DDX42: variants seen among roughly 807,000 people sequenced by gnomAD.
The protein encoded by DDX42 is DEAD-box helicase 42.
Under a neutral mutation model 101.5 loss-of-function variants are expected in DDX42, and 22 were observed. The ratio of observed to expected loss-of-function variants is 0.22; its 90% CI spans 0.15 to 0.31. The LOEUF is 0.31. DDX42 is among the 10% of genes least tolerant of loss of function. The probability of loss-of-function intolerance (pLI) is 1.00; values close to 1 mark genes in which losing one functional copy is unlikely to be tolerated. For missense variants in DDX42, 849 were observed against 1,199.9 expected, an observed-to-expected ratio of 0.71 and a Z score of 4.32; for synonymous variants, 402 against 401.2, an observed-to-expected ratio of 1.00 and a Z score of -0.02.
At chr17:63,798,422 CA>C (rs1317578539) in intron 4 of DDX42, among the ~76,000 whole-genome samples, 1 of 152,104 alleles carries the variant, frequency 6.6e-6, no homozygotes, top group Non-Finnish European at 1.5e-5. Flanking sequence ...GAGTTTGTCG[CA>C]TAATTAATAT....
rs147743924 is a variant in DDX42 at position 63,785,973 on chromosome 17, G to A, written c.-16-1061G>A. ...GCTCAGTCTTTCATATAAGGATGAA[G>A]ATATTTAGTCTTTTCATATCTCCAG... is the stretch of plus-strand genomic sequence containing the variant. On this transcript the variant is annotated intron_variant, in intron 1 of 17. Transcript: ENST00000389924. Among the ~76,000 whole-genome samples, 627 of 152,274 alleles carry A rather than the reference G, an allele frequency of 4.1e-3. 13 individuals are homozygous for A. The highest frequency in any genetic ancestry group is 0.027 in the Admixed American group (412 of 15,294).
chr17:63,785,859 C>T (rs969749695), intron 1 of DDX42, among the ~76,000 whole-genome samples: 2 of 152,156 alleles, frequency 1.3e-5, no homozygotes, highest in Admixed American at 6.5e-5. Context: ...CTACAAACAA[C>T]TGATCTTTTA....
At position 63,817,738 on chromosome 17, in the gene DDX42, G is replaced by A. The variant is rs774979207; in HGVS notation, c.2157G>A (p.Gln719=). ...SHFVAASLSN[Q]KAGSSAAGAS... is the part of the protein sequence containing the mutation. ...TTGTTGCAGCCAGTTTAAGTAATCA[G>A]AAGGCTGGAAGTTCTGCTGCTGGGG... The change falls in exon 18 of 18, where the codon CAG becomes CAA. Residue 719 remains glutamine (Q), a synonymous_variant. Transcript: ENST00000389924. 26 of 1,614,094 alleles carry A rather than the reference G, an allele frequency of 1.6e-5. No individual in the cohort carries two copies. In the African/African-American group the frequency reaches 2.5e-4, roughly 16 times the overall value.
chr17:63,809,006 T>C, intron 10 of DDX42, 58 bp downstream of exon 10: 3 of 1,590,384 alleles, frequency 1.9e-6, no homozygotes, highest in Non-Finnish European at 2.6e-6. Context: ...GAAAACATGA[T>C]TAGTTTTGCA....
At chr17:63,817,529 AT>A (rs2039991040) in intron 17 of DDX42, 164 bp from the exon 18 acceptor site, 5 of 649,082 alleles carry the variant, frequency 7.7e-6, no homozygotes, top group African/African-American at 1.8e-5. Flanking sequence ...GTTTTCCTTT[AT>A]AGCACAAGAA....
chr17:63,778,398 C>T (rs1055751687), intron 1 of DDX42, among the ~76,000 whole-genome samples: 2 of 152,196 alleles, frequency 1.3e-5, no homozygotes, highest in African/African-American at 4.8e-5. Context: ...GAGGCCTTGC[C>T]TGACTTAAGT....
chr17:63,799,591 G>A lies in DDX42; in HGVS notation c.437G>A (p.Gly146Asp). ...TGTTTCTCCGCTTGTTTTTCCAGGG[G>A]TATTCGAGATGACATTGAAGAGGAA... ...EKDKERKNVK[G>D]IRDDIEEEDD... Residue 146 changes from glycine (G) to aspartate (D), a missense_variant and splice_region_variant, in exon 5 of 18, where the codon GGT (glycine) becomes GAT (aspartate). By Grantham distance (94) the Gly-to-Asp change is moderately conservative. Around this residue, in one of 5 missense-constraint regions of DDX42, gnomAD observed 370 missense variants for 608.8 expected, o/e 0.61. Coordinates refer to ENST00000389924, the MANE Select transcript of DDX42 (RefSeq NM_203499.3). The A allele has an allele frequency of 6.2e-7, 1 of 1,612,958 alleles. No individual in the cohort carries two copies. Among genetic ancestry groups the A allele is most frequent in the Non-Finnish European group, 8.5e-7 (1 of 1,179,264 alleles).
intron 12 of DDX42, among the ~76,000 whole-genome samples, 190 bp from the exon 13 acceptor site, chr17:63,810,881 ACTTGT>A (rs1395588510): frequency 2.6e-5 from 4 of 152,218 alleles, no homozygotes; most frequent in Non-Finnish European, 5.9e-5. Flanking sequence ...CATACTGACA[ACTTGT>A]CTTAACTAAA....
rs563650093 is a variant in DDX42, at chr17:63,814,126, G to A, written c.1902+672G>A. On this transcript the variant is annotated intron_variant, in intron 15 of 17. Transcript: ENST00000389924. Reference sequence around the variant, plus strand: ...CTCCCAAAGTGCTAGGATTACAGGCGTGAGCCACCGTGCCCAGCCTGTATG... The same window carrying A: ...CTCCCAAAGTGCTAGGATTACAGGCATGAGCCACCGTGCCCAGCCTGTATG... 1.6e-4 allele frequency among the ~76,000 whole-genome samples: 24 copies of A among 152,284 alleles called. No individual in the cohort carries two copies. The South Asian group carries it at 3.9e-3, about 25-fold the overall frequency.
intron 3 of DDX42, among the ~76,000 whole-genome samples, chr17:63,797,473 A>G (rs2039707938): frequency 1.3e-5 from 2 of 152,204 alleles, no homozygotes; most frequent in East Asian, 1.9e-4. Context: ...CCTTGAGACT[A>G]CTGTCATTTG....
chr17:63,809,556 A>G lies in DDX42; in HGVS notation c.1153-4A>G. The G allele has an allele frequency of 6.2e-7, 1 of 1,612,074 alleles. No homozygotes were observed. The highest frequency in any genetic ancestry group is 8.5e-7 in the Non-Finnish European group (1 of 1,178,224). ...ACTTACTGTTCATTTTGTTGATCTT[A>G]TAGGGTCGACTGATAGATCATGTGA... is the stretch of plus-strand genomic sequence containing the variant. On this transcript the variant is annotated splice_polypyrimidine_tract_variant and splice_region_variant and intron_variant, in intron 10 of 17. Coordinates refer to ENST00000389924, the MANE Select transcript of DDX42 (RefSeq NM_203499.3).
chr17:63,800,933 CTTTTCTTTCCTTCCTTCCTTTCTTTCTTT>C (rs1354860873), intron 6 of DDX42, among the ~76,000 whole-genome samples: 29 of 113,258 alleles, frequency 2.6e-4, no homozygotes, highest in African/African-American at 1.1e-3. Flanking sequence ...TCCTTTCTTT[CTTTTCTTTCCTTCCTTCCTTTCTTTCTTT>C]TTCTTTTCTT....
At chr17:63,778,644 GT>G (rs111355576) in intron 1 of DDX42, among the ~76,000 whole-genome samples, 94,766 of 147,712 alleles carry the variant, frequency 0.64, 30,253 homozygotes, top group South Asian at 0.74. Context: ...TGATAATAAA[GT>G]TTTTTTTTTT....
Position 63,809,654 on chromosome 17 carries a change from G to T in DDX42, c.1247G>T (p.Gly416Val), listed in dbSNP as rs781315775. Residue 416 changes from glycine to valine, a missense_variant, in exon 11 of 18, where the codon GGA becomes GTA. Gly to Val is a moderately radical substitution (Grantham distance 109, BLOSUM62 -3). This residue lies in a region of DDX42 where 370 missense variants were observed against 608.8 expected (regional missense o/e 0.61). Coordinates refer to ENST00000389924, the MANE Select transcript of DDX42 (RefSeq NM_203499.3). ...GAAGCAGATCGAATGTTTGACATGG[G>T]ATTTGGTATGCCTTGAATACCAGTT... ...FDEADRMFDM[G>V]FEYQVRSIAS... The T allele has an allele frequency of 6.2e-7, 1 of 1,613,398 alleles. No homozygotes were observed. Among genetic ancestry groups the T allele is most frequent in the Non-Finnish European group, 8.5e-7 (1 of 1,179,334 alleles).
chr17:63,800,896 T>C (rs1179750445), intron 6 of DDX42, among the ~76,000 whole-genome samples: 1 of 137,308 alleles, frequency 7.3e-6, no homozygotes, highest in Non-Finnish European at 1.6e-5. Flanking sequence ...TTTCTTTCTT[T>C]CTCTTTCTTT....
At chr17:63,782,764 A>T (rs1317074739) in intron 1 of DDX42, among the ~76,000 whole-genome samples, 1 of 152,064 alleles carries the variant, frequency 6.6e-6, no homozygotes, top group Non-Finnish European at 1.5e-5. Context: ...CTCTACCATG[A>T]GTATCTCTCA....
chr17:63,813,045 A>G (rs532738665), intron 14 of DDX42, among the ~76,000 whole-genome samples, 183 bp from the exon 15 acceptor site: 28 of 152,228 alleles, frequency 1.8e-4, no homozygotes, highest in African/African-American at 6.5e-4. Context: ...AGTCCCTTAC[A>G]CTAGAAGGCC....
intron 1 of DDX42, among the ~76,000 whole-genome samples, chr17:63,785,068 T>C (rs752046247): frequency 2.0e-5 from 3 of 152,290 alleles, no homozygotes; most frequent in South Asian, 4.1e-4. Flanking sequence ...TAGCAAAAAA[T>C]AGAACAAAAC....
At chr17:63,810,480 G>A in intron 11 of DDX42, 33 bp from the exon 12 acceptor site, 1 of 1,610,004 alleles carries the variant, frequency 6.2e-7, no homozygotes, top group Non-Finnish European at 8.5e-7. Flanking sequence ...TGTATTTCAG[G>A]TTATAATAAT....
Sources: gnomAD v4.1 joint callset for allele counts (sites outside exome capture counted in the v4.1 genomes callset) on GRCh38, gnomAD v4.1.1 for gene constraint, gnomAD v4.1.1 regional missense constraint, MANE v1.5 for transcripts, NCBI Gene and HGNC (gene_info 2026-07-23, HGNC 2026-07-21) for gene names.